RBMS3: variants seen among roughly 807,000 people sequenced by gnomAD.
RBMS3 encodes the protein RNA binding motif single stranded interacting protein 3, also known as RNA-binding motif, single-stranded-interacting protein 3.
In RBMS3, 27 loss-of-function variants were observed where a neutral mutation model predicts 66.8. The observed-to-expected ratio is 0.40, with a 90% confidence interval of 0.30 to 0.56. The LOEUF is 0.56. RBMS3 is among the 20% of genes least tolerant of loss of function. RBMS3 has a pLI of 0.40. For missense variants in RBMS3, 513 were observed against 549.5 expected (o/e 0.93, Z 0.66); for synonymous variants, 188 against 183.0 (o/e 1.03, Z -0.22).
At chr3:29,700,387 C>A (rs989591194) in intron 4 of RBMS3, among the ~76,000 whole-genome samples, 4 of 152,148 alleles carry the variant, frequency 2.6e-5, no homozygotes, top group Non-Finnish European at 1.5e-5. Flanking sequence ...TCCATTGAGG[C>A]AGGTTGTAGA....
At chr3:29,469,648 A>G (rs193245382) in intron 2 of RBMS3, among the ~76,000 whole-genome samples, 179 of 148,662 alleles carry the variant, frequency 1.2e-3, no homozygotes, top group African/African-American at 4.3e-3. Flanking sequence ...GACAACTAAC[A>G]TGGGAAAAAC....
intron 6 of RBMS3, among the ~76,000 whole-genome samples, chr3:29,846,699 A>G (rs1366968874): frequency 6.6e-6 from 1 of 152,210 alleles, no homozygotes; most frequent in African/African-American, 2.4e-5. Context: ...TCTCTAAAAA[A>G]ATGTGATAGA....
rs1443757779 is a variant in RBMS3, at chr3:29,281,278, G to A, written c.-404G>A. 2 of 167,386 alleles carry A rather than the reference G, an allele frequency of 1.2e-5. No individual in the cohort carries two copies. The highest frequency in any genetic ancestry group is 2.4e-5 in the Non-Finnish European group (2 of 83,122). The allele number at this position is 167,386 out of a possible 1,614,324, so 10.4% of individuals were successfully genotyped here. A position where few individuals can be genotyped will look rare whatever the true frequency, so the allele number is the denominator to read the frequency against. ...CAACCAAGAGACAGGAAGCTGATCT[G>A]CAAGGATTCGGAGTTGTGCTAAAAG... is the stretch of plus-strand genomic sequence containing the variant. On this transcript the variant is annotated 5_prime_UTR_variant, in exon 1 of 15. Transcript: ENST00000383767.
intron 1 of RBMS3, among the ~76,000 whole-genome samples, chr3:29,369,658 G>A (rs1044565216): frequency 6.6e-6 from 1 of 151,504 alleles, no homozygotes; most frequent in African/African-American, 2.4e-5. Context: ...AGGGAATATA[G>A]GAAAGACAGG....
In RBMS3 at chr3:30,009,602, G is replaced by A. The variant is rs895844241; in HGVS notation, c.*5740G>A. 3 of 152,194 alleles carry A rather than the reference G, an allele frequency of 2.0e-5. No homozygotes were observed. Among genetic ancestry groups the A allele is most frequent in the Admixed American group, 6.5e-5 (1 of 15,282 alleles). The allele number at this position is 152,194 out of a possible 1,614,324, so 9.4% of individuals were successfully genotyped here. On this transcript the variant is annotated 3_prime_UTR_variant, in exon 15 of 15. Coordinates refer to ENST00000383767, the MANE Select transcript of RBMS3 (RefSeq NM_001003793.3). ...TTGAACCAGTAGCACGGATCAACAC[G>A]ACTTCTGCAATGAGAGTATAACGGT...
At chr3:29,974,657 T>C (rs1184553996) in intron 12 of RBMS3, among the ~76,000 whole-genome samples, 1 of 151,448 alleles carries the variant, frequency 6.6e-6, no homozygotes, top group Non-Finnish European at 1.5e-5. Flanking sequence ...ATTTGTCTTA[T>C]TTTTAAGCTT....
chr3:29,343,238 A>T (rs573419945), intron 1 of RBMS3, among the ~76,000 whole-genome samples: 1 of 152,118 alleles, frequency 6.6e-6, no homozygotes, highest in Non-Finnish European at 1.5e-5. Context: ...ACAAGTGAGT[A>T]TTTGCATAAA....
intron 3 of RBMS3, among the ~76,000 whole-genome samples, chr3:29,497,146 A>G (rs1261170982): frequency 6.6e-6 from 1 of 151,870 alleles, no homozygotes; most frequent in African/African-American, 2.4e-5. Flanking sequence ...GGTAGCTGGG[A>G]CTACAGGCGC....
chr3:29,992,140 C>T (rs1422142103), intron 14 of RBMS3, among the ~76,000 whole-genome samples: 5 of 152,002 alleles, frequency 3.3e-5, no homozygotes, highest in East Asian at 3.9e-4. Flanking sequence ...GAGAATCCCC[C>T]GACAATCCTG....
chr3:29,820,205 A>C, intron 6 of RBMS3, among the ~76,000 whole-genome samples: 1 of 22,174 alleles, frequency 4.5e-5, no homozygotes, highest in African/African-American at 1.8e-4. Flanking sequence ...AAAAAAAAAA[A>C]AAAAAAAAAA....
intron 6 of RBMS3, among the ~76,000 whole-genome samples, chr3:29,763,916 C>A (rs1262356533): frequency 2.6e-5 from 4 of 152,038 alleles, no homozygotes; most frequent in African/African-American, 9.7e-5. Context: ...GCGACTTCTT[C>A]CATCTTACAA....
intron 3 of RBMS3, among the ~76,000 whole-genome samples, chr3:29,566,288 G>A (rs1364777856): frequency 1.3e-5 from 2 of 152,148 alleles, no homozygotes; most frequent in Non-Finnish European, 2.9e-5. Flanking sequence ...AGACACTAAT[G>A]GAGGAGAAGA....
intron 6 of RBMS3, among the ~76,000 whole-genome samples, chr3:29,806,219 T>C (rs1576860452): frequency 6.6e-6 from 1 of 151,818 alleles, no homozygotes; most frequent in South Asian, 2.1e-4. Flanking sequence ...AAAGTAAAAA[T>C]AGTTTAAAAG....
chr3:29,735,027 C>A (rs1462961465), intron 4 of RBMS3, among the ~76,000 whole-genome samples: 2 of 152,030 alleles, frequency 1.3e-5, no homozygotes, highest in African/African-American at 4.8e-5. Context: ...TGAATGTTAG[C>A]AGATTGTTGT....
intron 12 of RBMS3, among the ~76,000 whole-genome samples, chr3:29,987,555 G>A (rs1698513548): frequency 6.6e-6 from 1 of 152,102 alleles, no homozygotes. Context: ...AATGGGAGAA[G>A]GGAACAATAG....
At chr3:29,285,162 AC>A (rs1353930003) in intron 1 of RBMS3, among the ~76,000 whole-genome samples, 1 of 147,226 alleles carries the variant, frequency 6.8e-6, no homozygotes, top group Non-Finnish European at 1.5e-5. Flanking sequence ...CAAAAAAAAA[AC>A]AACCTGTTGC....
intron 1 of RBMS3, among the ~76,000 whole-genome samples, chr3:29,301,521 C>T (rs568002801): frequency 6.6e-6 from 1 of 152,176 alleles, no homozygotes; most frequent in African/African-American, 2.4e-5. Flanking sequence ...TGGCCCCTGA[C>T]ATCCACTTCC....
chr3:29,631,905 A>G (rs1214230607), intron 4 of RBMS3, among the ~76,000 whole-genome samples: 1 of 151,826 alleles, frequency 6.6e-6, no homozygotes, highest in Admixed American at 6.6e-5. Flanking sequence ...GACTCTCCTC[A>G]CTCCCAAAAA....
intron 5 of RBMS3, 109 bp downstream of exon 5, chr3:29,739,986 A>AT: frequency 1.0e-6 from 1 of 969,808 alleles, no homozygotes; most frequent in Non-Finnish European, 1.4e-6. Flanking sequence ...AAAAAAAAAA[A>AT]AAAATTAAAA....
Sources: allele counts gnomAD v4.1 joint callset (sites outside exome capture counted in the v4.1 genomes callset), GRCh38; gene constraint gnomAD v4.1.1; transcripts MANE v1.5; gene names NCBI Gene and HGNC (gene_info 2026-07-23, HGNC 2026-07-21).